The following RETREG1 variants were observed in gnomAD, a reference collection of about 807,000 sequenced individuals.
RETREG1 encodes reticulophagy regulator 1.
In RETREG1, 44 loss-of-function variants were observed where a neutral mutation model predicts 54.8. The observed-to-expected ratio is 0.80, with a 90% CI of 0.63 to 1.03. RETREG1 has a LOEUF of 1.03. RETREG1 is among the 50% of genes least tolerant of loss of function. The probability of loss-of-function intolerance (pLI) is 0.00; values close to 1 mark genes in which losing one functional copy is unlikely to be tolerated. For synonymous variants in RETREG1, 217 were observed against 238.5 expected (o/e 0.91, Z 0.83); for missense variants, 554 against 605.1 (o/e 0.92, Z 0.89).
At chr5:16,519,743 T>C (rs10041965) in intron 3 of RETREG1, among the ~76,000 whole-genome samples, 39,804 of 152,112 alleles carry the variant, frequency 0.26, 5,559 homozygotes, top group East Asian at 0.4. Flanking sequence ...CACTGCCCAG[T>C]TGCACCTCTT....
intron 1 of RETREG1, among the ~76,000 whole-genome samples, chr5:16,589,524 C>T (rs899288471): frequency 6.6e-6 from 1 of 152,160 alleles, no homozygotes; most frequent in African/African-American, 2.4e-5. Flanking sequence ...TGCCACCACA[C>T]CCAGTTAACT....
At chr5:16,554,037 C>A (rs1741620207) in intron 3 of RETREG1, among the ~76,000 whole-genome samples, 1 of 152,170 alleles carries the variant, frequency 6.6e-6, no homozygotes, top group African/African-American at 2.4e-5. Flanking sequence ...TGGGTTTACA[C>A]CTAAGTCACC....
chr5:16,489,458 C>T (rs1019637560), intron 3 of RETREG1, among the ~76,000 whole-genome samples: 2 of 152,144 alleles, frequency 1.3e-5, no homozygotes, highest in Non-Finnish European at 2.9e-5. Context: ...CACTCTTGTG[C>T]TCTTTAAAAA....
At chr5:16,575,226 C>T (rs1486067572) in intron 1 of RETREG1, among the ~76,000 whole-genome samples, 2 of 152,172 alleles carry the variant, frequency 1.3e-5, no homozygotes, top group African/African-American at 4.8e-5. Context: ...AATTCTATTA[C>T]GCGTTTAAAT....
At chr5:16,489,446 G>A (rs182528799) in intron 3 of RETREG1, among the ~76,000 whole-genome samples, 82 of 152,244 alleles carry the variant, frequency 5.4e-4, no homozygotes, top group African/African-American at 1.9e-3. Context: ...TAAGAAATAG[G>A]ACACTCTTGT....
intron 3 of RETREG1, among the ~76,000 whole-genome samples, chr5:16,507,741 T>C (rs1400603302): frequency 2.0e-5 from 3 of 152,216 alleles, no homozygotes; most frequent in African/African-American, 4.8e-5. Flanking sequence ...TTTAATACAA[T>C]GACAAAAATA....
Position 16,565,783 on chromosome 5 carries a change from C to T in RETREG1, c.438G>A (p.Leu146=), listed in dbSNP as rs61741225. The T allele has an allele frequency of 1.7e-3, 2,753 of 1,613,908 alleles. 40 individuals are homozygous for T. The African/African-American group carries it at 0.032, about 19-fold the overall frequency. Residue 146 remains leucine, a synonymous_variant, in exon 3 of 9, where the codon TTG becomes TTA. Coordinates refer to ENST00000306320, the MANE Select transcript of RETREG1 (RefSeq NM_001034850.3). The part of the protein sequence containing the change: ...MVLSRTRGAQ[L]WRSLSESWEV... ...CCTACCTTTCACTGAGGCTTCTCCA[C>T]AACTGTGCACCTGCAACAGGGAGAA...
chr5:16,543,818 A>C (rs1010823924), intron 3 of RETREG1, among the ~76,000 whole-genome samples: 1 of 152,030 alleles, frequency 6.6e-6, no homozygotes, highest in Non-Finnish European at 1.5e-5. Flanking sequence ...TTTCCATTTC[A>C]TCCATTCAAA....
intron 3 of RETREG1, among the ~76,000 whole-genome samples, chr5:16,491,055 C>T (rs1171831480): frequency 1.3e-5 from 2 of 152,130 alleles, no homozygotes; most frequent in African/African-American, 4.8e-5. Flanking sequence ...CAACACGTGC[C>T]CATAATAACC....
chr5:16,497,199 TC>T (rs1226289951), intron 3 of RETREG1, among the ~76,000 whole-genome samples: 3 of 152,080 alleles, frequency 2.0e-5, no homozygotes, highest in African/African-American at 7.2e-5. Flanking sequence ...GTAAAATGCC[TC>T]CATTTTCCAG....
intron 3 of RETREG1, among the ~76,000 whole-genome samples, chr5:16,488,594 C>T (rs921612247): frequency 8.6e-5 from 13 of 152,016 alleles, no homozygotes; most frequent in Non-Finnish European, 1.5e-5. Context: ...GTGAGGAGCC[C>T]GGAGGCCAGG....
chr5:16,494,196 G>T (rs1241769057), intron 3 of RETREG1, among the ~76,000 whole-genome samples: 1 of 152,136 alleles, frequency 6.6e-6, no homozygotes, highest in Non-Finnish European at 1.5e-5. Flanking sequence ...CTCAATAGCA[G>T]ATTTTGAGAA....
intron 3 of RETREG1, among the ~76,000 whole-genome samples, chr5:16,524,364 A>T (rs1022728894): frequency 4.6e-5 from 7 of 152,162 alleles, no homozygotes; most frequent in African/African-American, 1.7e-4. Flanking sequence ...TCCGAAACTT[A>T]AACCACATCC....
At chr5:16,508,462 T>A in intron 3 of RETREG1, 1 of 1,013,828 alleles carries the variant, frequency 9.9e-7, no homozygotes, top group Non-Finnish European at 1.5e-6. Context: ...AAGGACTGCA[T>A]TCTTCATATT....
At chr5:16,493,941 A>G (rs1739348063) in intron 3 of RETREG1, among the ~76,000 whole-genome samples, 1 of 152,224 alleles carries the variant, frequency 6.6e-6, no homozygotes, top group African/African-American at 2.4e-5. Flanking sequence ...CCTTTGTAAT[A>G]AAAAGCAATA....
chr5:16,514,947 T>A (rs13190376), intron 3 of RETREG1, among the ~76,000 whole-genome samples: 2 of 147,674 alleles, frequency 1.4e-5, no homozygotes, highest in Non-Finnish European at 3.0e-5. Context: ...GCATATATAT[T>A]ATATATGTGT....
At chr5:16,482,516 C>T (rs961072119) in intron 4 of RETREG1, among the ~76,000 whole-genome samples, 41 of 150,974 alleles carry the variant, frequency 2.7e-4, no homozygotes, top group African/African-American at 9.5e-4. Flanking sequence ...CACTTTAATA[C>T]ACTCAAAATG....
In RETREG1 at chr5:16,478,922, T is replaced by C; in HGVS notation, c.736A>G (p.Ile246Val). The change falls in exon 6 of 9, where the codon ATT (isoleucine) becomes GTT (valine). Residue 246 changes from isoleucine to valine, a missense_variant. Physicochemically the swap from Ile to Val is conservative, Grantham distance 29 (BLOSUM62 3). This residue lies in a region of RETREG1 where 347 missense variants were observed against 412.3 expected (regional missense o/e 0.84). Transcript: ENST00000306320. Reference sequence around the variant, plus strand: ...TCCAGTTTCAGCAGAACTGACTTAATTTTGCTGTAAATTTTTTGTCCAATA... The same window carrying C: ...TCCAGTTTCAGCAGAACTGACTTAACTTTGCTGTAAATTTTTTGTCCAATA... ...NDIGQKIYSK[I>V]KSVLLKLDFG... 1 of 1,612,344 alleles carries C rather than the reference T, an allele frequency of 6.2e-7. No individual in the cohort carries two copies. The highest frequency in any genetic ancestry group is 8.5e-7 in the Non-Finnish European group (1 of 1,178,862).
intron 3 of RETREG1, among the ~76,000 whole-genome samples, chr5:16,530,081 T>C (rs1740865286): frequency 6.6e-6 from 1 of 152,218 alleles, no homozygotes; most frequent in South Asian, 2.1e-4. Flanking sequence ...CAGATGCTTA[T>C]CCCAATAAAC....
Sources: gnomAD v4.1 joint callset for allele counts (sites outside exome capture counted in the v4.1 genomes callset) on GRCh38, gnomAD v4.1.1 for gene constraint, gnomAD v4.1.1 regional missense constraint, MANE v1.5 for transcripts, NCBI Gene and HGNC (gene_info 2026-07-23, HGNC 2026-07-21) for gene names.